Variants in IMMP2L observed in about 807,000 individuals in gnomAD.
IMMP2L encodes the protein mitochondrial inner membrane protease subunit 2.
Under a neutral mutation model 19.3 loss-of-function variants are expected in IMMP2L, and 18 were observed. The ratio of observed to expected loss-of-function variants is 0.93; its 90% CI spans 0.64 to 1.38. The LOEUF is 1.38. IMMP2L is among the 40% of genes most tolerant of loss of function. The pLI is 0.00. For missense variants in IMMP2L, 233 were observed against 218.2 expected, an observed-to-expected ratio of 1.07 and a Z score of -0.43; for synonymous variants, 76 against 73.0, an observed-to-expected ratio of 1.04 and a Z score of -0.21.
chr7:110,897,612 C>G (rs947821386), intron 4 of IMMP2L, among the ~76,000 whole-genome samples: 9 of 152,090 alleles, frequency 5.9e-5, no homozygotes, highest in Non-Finnish European at 1.2e-4. Flanking sequence ...CATAACATAA[C>G]TATGTAAGGA....
rs1195941042 is a variant in IMMP2L at position 111,528,996 on chromosome 7, G to A, written c.-2-7547C>T. Among the ~76,000 whole-genome samples the A allele has an allele frequency of 3.3e-5, 5 of 152,176 alleles. No individual in the cohort carries two copies. The East Asian group carries it at 9.6e-4, about 29-fold the overall frequency. On this transcript the variant is annotated intron_variant, in intron 1 of 5. Transcript: ENST00000405709. Reference sequence around the variant, plus strand: ...CATGCACCATGGAATTGTGCTAAGAGATAAATATGTGTTATAGAACAAGGT... The same window carrying A: ...CATGCACCATGGAATTGTGCTAAGAAATAAATATGTGTTATAGAACAAGGT...
At chr7:111,413,833 G>A (rs1834692910) in intron 3 of IMMP2L, among the ~76,000 whole-genome samples, 1 of 151,724 alleles carries the variant, frequency 6.6e-6, no homozygotes, top group Non-Finnish European at 1.5e-5. Flanking sequence ...AGCAGAGGGT[G>A]CTGGAGAGAA....
intron 3 of IMMP2L, among the ~76,000 whole-genome samples, chr7:111,277,236 A>G (rs902433695): frequency 1.3e-5 from 2 of 152,128 alleles, no homozygotes; most frequent in Non-Finnish European, 2.9e-5. Context: ...CAGAACCTAC[A>G]ACGAACTCAA....
intron 3 of IMMP2L, among the ~76,000 whole-genome samples, chr7:111,094,695 T>C (rs1355483191): frequency 6.6e-6 from 1 of 152,124 alleles, no homozygotes; most frequent in Non-Finnish European, 1.5e-5. Context: ...GCTCAGGGAA[T>C]TCCTCTCCTC....
chr7:110,921,218 T>A (rs1261917590), intron 4 of IMMP2L, among the ~76,000 whole-genome samples: 1 of 152,198 alleles, frequency 6.6e-6, no homozygotes, highest in African/African-American at 2.4e-5. Flanking sequence ...TACACAAAAA[T>A]ACATTTTTTC....
chr7:111,469,797 TC>T (rs1841047238), intron 3 of IMMP2L, among the ~76,000 whole-genome samples: 1 of 151,988 alleles, frequency 6.6e-6, no homozygotes, highest in Non-Finnish European at 1.5e-5. Context: ...GCAATACCAT[TC>T]AGGACATAGG....
intron 5 of IMMP2L, among the ~76,000 whole-genome samples, chr7:110,675,220 G>A (rs1447355272): frequency 2.6e-5 from 4 of 152,122 alleles, no homozygotes; most frequent in Non-Finnish European, 5.9e-5. Flanking sequence ...ATCATCAAAA[G>A]TGGTGACCCC....
intron 3 of IMMP2L, among the ~76,000 whole-genome samples, chr7:111,381,703 A>C (rs1831221629): frequency 6.6e-6 from 1 of 151,988 alleles, no homozygotes; most frequent in Non-Finnish European, 1.5e-5. Context: ...CAAAAGAAGA[A>C]AGAAAAGATG....
At chr7:110,890,351 T>C (rs1810669749) in intron 4 of IMMP2L, among the ~76,000 whole-genome samples, 2 of 152,174 alleles carry the variant, frequency 1.3e-5, no homozygotes, top group Admixed American at 6.6e-5. Context: ...AGTGGTTTCC[T>C]AGATACCAGA....
At chr7:110,883,911 TAGAA>T (rs1809948316) in intron 5 of IMMP2L, among the ~76,000 whole-genome samples, 1 of 152,036 alleles carries the variant, frequency 6.6e-6, no homozygotes, top group Non-Finnish European at 1.5e-5. Context: ...CTGGAGGCCA[TAGAA>T]AGAATCACAT....
intron 3 of IMMP2L, among the ~76,000 whole-genome samples, chr7:110,971,831 A>G (rs950335184): frequency 1.1e-4 from 17 of 152,018 alleles, no homozygotes; most frequent in Non-Finnish European, 2.2e-4. Context: ...GACAATCGAG[A>G]TATGCATTAT....
chr7:110,685,285 G>T (rs1793034173), intron 5 of IMMP2L, among the ~76,000 whole-genome samples: 1 of 152,108 alleles, frequency 6.6e-6, no homozygotes, highest in African/African-American at 2.4e-5. Context: ...ACTTTGGTAA[G>T]TAACTTAACT....
At chr7:111,295,093 G>A (rs1821485509) in intron 3 of IMMP2L, among the ~76,000 whole-genome samples, 2 of 151,972 alleles carry the variant, frequency 1.3e-5, no homozygotes, top group South Asian at 4.2e-4. Context: ...TTTGTAACAT[G>A]ATGGTTTTGT....
chr7:111,289,902 TA>T (rs1022037426), intron 3 of IMMP2L, among the ~76,000 whole-genome samples: 2 of 152,026 alleles, frequency 1.3e-5, no homozygotes, highest in African/African-American at 4.8e-5. Flanking sequence ...TACATAAATT[TA>T]AAGGCCATTT....
At chr7:111,490,313 C>T (rs1374392415) in intron 2 of IMMP2L, among the ~76,000 whole-genome samples, 1 of 147,246 alleles carries the variant, frequency 6.8e-6, no homozygotes. Flanking sequence ...ATGGGAGGGT[C>T]TTGCTATGTT....
intron 3 of IMMP2L, among the ~76,000 whole-genome samples, chr7:111,430,882 G>A (rs1163434554): frequency 6.6e-6 from 1 of 151,784 alleles, no homozygotes; most frequent in East Asian, 1.9e-4. Context: ...CAAGGGAGGT[G>A]GATCACTTGA....
intron 3 of IMMP2L, among the ~76,000 whole-genome samples, chr7:111,050,660 C>T (rs1413434546): frequency 2.6e-5 from 4 of 152,156 alleles, no homozygotes; most frequent in East Asian, 1.9e-4. Context: ...GTCTCCGTTT[C>T]GGGGTGACTC....
intron 5 of IMMP2L, among the ~76,000 whole-genome samples, chr7:110,797,552 G>C (rs535759236): frequency 1.3e-5 from 2 of 152,120 alleles, no homozygotes; most frequent in African/African-American, 4.8e-5. Context: ...AATTAACTAA[G>C]AGAAGAGGCA....
At chr7:110,819,485 T>G (rs181237620) in intron 5 of IMMP2L, among the ~76,000 whole-genome samples, 26 of 152,158 alleles carry the variant, frequency 1.7e-4, no homozygotes, top group African/African-American at 6.0e-4. Context: ...GTATGGATAA[T>G]GAAAGTGATC....
Sources: allele counts gnomAD v4.1 joint callset (sites outside exome capture counted in the v4.1 genomes callset), GRCh38; gene constraint gnomAD v4.1.1; transcripts MANE v1.5; gene names NCBI Gene and HGNC (gene_info 2026-07-23, HGNC 2026-07-21).